Variants in ZMAT4 observed in about 807,000 individuals in gnomAD.
The protein encoded by ZMAT4 is zinc finger matrin-type 4.
ZMAT4 carries 17 observed loss-of-function variants against 28.7 expected under a neutral mutation model. The observed-to-expected ratio is 0.59, with a 90% CI of 0.41 to 0.89. ZMAT4 has a LOEUF of 0.89. Among genes scored for constraint, ZMAT4 ranks in the 40% least tolerant of loss-of-function variants. ZMAT4 has a pLI of 0.00. For missense variants in ZMAT4, 240 were observed against 283.8 expected (o/e 0.85, Z 1.11); for synonymous variants, 117 against 109.2 (o/e 1.07, Z -0.44).
chr8:40,875,630 G>T (rs1265508594), intron 1 of ZMAT4, among the ~76,000 whole-genome samples: 1 of 152,170 alleles, frequency 6.6e-6, no homozygotes, highest in African/African-American at 2.4e-5. Context: ...GGTGGTGGGT[G>T]TGTGAACTGA....
intron 5 of ZMAT4, among the ~76,000 whole-genome samples, chr8:40,600,712 A>T (rs74443677): frequency 6.6e-6 from 1 of 152,152 alleles, no homozygotes; most frequent in Non-Finnish European, 1.5e-5. Context: ...CAGTTCCTCC[A>T]TGAGTATGCA....
intron 6 of ZMAT4, among the ~76,000 whole-genome samples, chr8:40,551,931 A>C (rs917759058): frequency 1.3e-5 from 2 of 152,174 alleles, no homozygotes; most frequent in African/African-American, 4.8e-5. Context: ...AAGAGTACTA[A>C]AACTTCCCAT....
intron 5 of ZMAT4, among the ~76,000 whole-genome samples, chr8:40,662,199 T>G (rs921740599): frequency 6.6e-6 from 1 of 152,060 alleles, no homozygotes; most frequent in Non-Finnish European, 1.5e-5. Flanking sequence ...CAGGTTGCTC[T>G]CGAATTCCCG....
rs12056613 is a variant in ZMAT4, at chr8:40,643,652, G to A, written c.577+31052C>T. ...TGAGTGCTACAGTTGTACAGAGCCC[G>A]GTGGAGAGAGGAAGCGAGCCCAGCC... On this transcript the variant is annotated intron_variant, in intron 5 of 6. Coordinates refer to ENST00000297737, the MANE Select transcript of ZMAT4 (RefSeq NM_024645.3). Among the ~76,000 whole-genome samples, 116 of 152,138 alleles carry A rather than the reference G, an allele frequency of 7.6e-4. 1 individual carries two copies. In the East Asian group the frequency reaches 0.02, roughly 26 times the overall value.
intron 5 of ZMAT4, among the ~76,000 whole-genome samples, chr8:40,589,725 TCCTTTC>T (rs1158524432): frequency 3.3e-4 from 42 of 128,936 alleles, no homozygotes; most frequent in Admixed American, 1.7e-3. Flanking sequence ...TCTTCCTTCT[TCCTTTC>T]CTTTCTTTCT....
At chr8:40,824,149 T>C (rs1407098429) in intron 2 of ZMAT4, among the ~76,000 whole-genome samples, 1 of 152,226 alleles carries the variant, frequency 6.6e-6, no homozygotes, top group Non-Finnish European at 1.5e-5. Flanking sequence ...TGAGGAATGA[T>C]AGTGACAACT....
chr8:40,789,155 C>T (rs1814221044), intron 2 of ZMAT4, among the ~76,000 whole-genome samples: 1 of 150,650 alleles, frequency 6.6e-6, no homozygotes, highest in South Asian at 2.1e-4. Context: ...GGAATAGATG[C>T]CAAAAAAAAA....
At chr8:40,686,860 T>C (rs1460266470) in intron 4 of ZMAT4, among the ~76,000 whole-genome samples, 1 of 152,084 alleles carries the variant, frequency 6.6e-6, no homozygotes, top group Non-Finnish European at 1.5e-5. Context: ...CAAAAGTTAC[T>C]TTGCAGGCAT....
In ZMAT4 at chr8:40,835,411, C is replaced by T. The variant is rs141859819; in HGVS notation, c.-4-9731G>A. Among the ~76,000 whole-genome samples the T allele has an allele frequency of 5.3e-4, 81 of 152,316 alleles. No individual in the cohort carries two copies. The East Asian group carries it at 8.5e-3, about 16-fold the overall frequency. On this transcript the variant is annotated intron_variant, in intron 1 of 6. Coordinates refer to ENST00000297737, the MANE Select transcript of ZMAT4 (RefSeq NM_024645.3). ...AGGCTCCTACCCTCCCCTCACTCAA[C>T]GGAGAAAAGCCTACGTGGGTCCCCC...
chr8:40,677,653 G>A (rs1808967690), intron 4 of ZMAT4, among the ~76,000 whole-genome samples: 1 of 152,084 alleles, frequency 6.6e-6, no homozygotes, highest in Non-Finnish European at 1.5e-5. Flanking sequence ...CAGTTTCCAG[G>A]TTTTAATGAT....
At chr8:40,656,022 G>A (rs1169337390) in intron 5 of ZMAT4, among the ~76,000 whole-genome samples, 1 of 152,062 alleles carries the variant, frequency 6.6e-6, no homozygotes, top group Non-Finnish European at 1.5e-5. Context: ...ATTGTCCACA[G>A]AATGAGAGAC....
intron 6 of ZMAT4, among the ~76,000 whole-genome samples, chr8:40,564,606 A>G (rs1803854727): frequency 6.6e-6 from 1 of 152,184 alleles, no homozygotes; most frequent in Admixed American, 6.5e-5. Flanking sequence ...TCACTTTGAG[A>G]AAAGGAAGCA....
chr8:40,649,230 A>T (rs1160631862), intron 5 of ZMAT4, among the ~76,000 whole-genome samples: 2 of 152,176 alleles, frequency 1.3e-5, no homozygotes, highest in Non-Finnish European at 2.9e-5. Flanking sequence ...ATGGAGGAAG[A>T]TCTACCAAGC....
chr8:40,857,548 C>T (rs1243792809), intron 1 of ZMAT4, among the ~76,000 whole-genome samples: 3 of 152,078 alleles, frequency 2.0e-5, no homozygotes, highest in South Asian at 2.1e-4. Flanking sequence ...AGGCAGAGTC[C>T]CTTGAACTCT....
chr8:40,883,733 G>A (rs1351787381), intron 1 of ZMAT4, among the ~76,000 whole-genome samples: 1 of 152,188 alleles, frequency 6.6e-6, no homozygotes, highest in Non-Finnish European at 1.5e-5. Context: ...CCTGAGCCCA[G>A]GCCAATGGAC....
At chr8:40,747,900 T>A (rs1223601847) in intron 3 of ZMAT4, among the ~76,000 whole-genome samples, 1 of 152,194 alleles carries the variant, frequency 6.6e-6, no homozygotes, top group Non-Finnish European at 1.5e-5. Flanking sequence ...AAAAGGTCAA[T>A]CATCACTCAA....
intron 1 of ZMAT4, among the ~76,000 whole-genome samples, chr8:40,892,848 G>T (rs966629427): frequency 1.3e-5 from 2 of 152,254 alleles, no homozygotes; most frequent in African/African-American, 4.8e-5. Flanking sequence ...AATAGGTAAG[G>T]GTTCTCATCA....
At chr8:40,550,031 A>C (rs1803320361) in intron 6 of ZMAT4, among the ~76,000 whole-genome samples, 1 of 152,080 alleles carries the variant, frequency 6.6e-6, no homozygotes, top group East Asian at 1.9e-4. Flanking sequence ...CTCAGCCTGG[A>C]GTATCAACTC....
intron 2 of ZMAT4, among the ~76,000 whole-genome samples, chr8:40,799,175 A>C (rs1814725848): frequency 6.7e-6 from 1 of 148,998 alleles, no homozygotes; most frequent in Non-Finnish European, 1.5e-5. Flanking sequence ...GGATGAATAG[A>C]GAGAGAGAGA....
Sources: allele counts gnomAD v4.1 joint callset (sites outside exome capture counted in the v4.1 genomes callset), GRCh38; gene constraint gnomAD v4.1.1; transcripts MANE v1.5; gene names NCBI Gene and HGNC (gene_info 2026-07-23, HGNC 2026-07-21).